RBFOX1: variants seen among roughly 807,000 people sequenced by gnomAD.
RBFOX1 encodes RNA binding protein fox-1 homolog 1.
A neutral mutation model predicts 57.7 loss-of-function variants in RBFOX1; 8 were observed. The observed-to-expected ratio is 0.14, with a 90% CI of 0.08 to 0.25. The LOEUF is 0.25. Ranked by LOEUF, RBFOX1 falls within the 10% of genes least tolerant of loss-of-function variation. RBFOX1 has a pLI of 1.00. For synonymous variants in RBFOX1, 326 were observed against 222.4 expected (o/e 1.47, Z -4.15); for missense variants, 611 against 548.5 (o/e 1.11, Z -1.14).
chr16:7,300,228 C>A (rs1297886516), intron 4 of RBFOX1, among the ~76,000 whole-genome samples: 1 of 152,064 alleles, frequency 6.6e-6, no homozygotes, highest in African/African-American at 2.4e-5. Context: ...CCTCCCCCAC[C>A]CACTAGAATG....
In RBFOX1 at chr16:6,079,490, T is replaced by A. The variant is rs144194661; in HGVS notation, c.-127+59498T>A. ...CCATGCCTGGCTATTTATTTTTATT[T>A]GTTTTTTACTTTTTGTAGAGATGAG... On this transcript the variant is annotated intron_variant, in intron 1 of 15. Transcript: ENST00000550418. 7.6e-3 allele frequency among the ~76,000 whole-genome samples: 1,153 copies of A among 152,268 alleles called. 8 individuals carry two copies. Among genetic ancestry groups the A allele is most frequent in the Non-Finnish European group, 0.011 (740 of 68,014 alleles).
intron 4 of RBFOX1, among the ~76,000 whole-genome samples, chr16:7,501,225 T>C (rs1255973662): frequency 6.6e-6 from 1 of 152,228 alleles, no homozygotes; most frequent in African/African-American, 2.4e-5. Context: ...TGACTACTTG[T>C]TTCCTCTGCT....
chr16:5,452,153 C>G (rs781195043), intron 1 of RBFOX1, among the ~76,000 whole-genome samples: 3 of 132,922 alleles, frequency 2.3e-5, no homozygotes, highest in Non-Finnish European at 4.6e-5. Flanking sequence ...GAGTCTTGCT[C>G]TGTCGCCTAG....
At chr16:7,210,428 G>T (rs987532560) in intron 4 of RBFOX1, among the ~76,000 whole-genome samples, 50 of 151,976 alleles carry the variant, frequency 3.3e-4, no homozygotes, top group African/African-American at 1.0e-3. Flanking sequence ...TTTTCCAATT[G>T]CACTACACTC....
At chr16:6,673,219 G>C (rs141376923) in intron 3 of RBFOX1, among the ~76,000 whole-genome samples, 2 of 152,174 alleles carry the variant, frequency 1.3e-5, no homozygotes, top group African/African-American at 4.8e-5. Context: ...CATCCCATCT[G>C]TGTCTTCTCT....
At chr16:6,327,003 C>G (rs767284048) in intron 2 of RBFOX1, among the ~76,000 whole-genome samples, 3 of 152,130 alleles carry the variant, frequency 2.0e-5, no homozygotes, top group South Asian at 2.1e-4. Context: ...TCTTTGTGCT[C>G]GTTTTAAACT....
chr16:5,540,772 C>T (rs1462254996), intron 2 of RBFOX1, among the ~76,000 whole-genome samples: 1 of 152,222 alleles, frequency 6.6e-6, no homozygotes, highest in Admixed American at 6.5e-5. Flanking sequence ...GCGTCAGAAT[C>T]ACCTGGAGCT....
chr16:7,415,327 C>T (rs2098468058), intron 4 of RBFOX1, among the ~76,000 whole-genome samples: 1 of 152,140 alleles, frequency 6.6e-6, no homozygotes, highest in Non-Finnish European at 1.5e-5. Context: ...TATCTTCTGC[C>T]TGTGGAACCA....
chr16:6,848,090 A>G (rs1446883895), intron 3 of RBFOX1, among the ~76,000 whole-genome samples: 1 of 151,918 alleles, frequency 6.6e-6, no homozygotes, highest in African/African-American at 2.4e-5. Flanking sequence ...CCTTGGCCTC[A>G]CAAAGTGCTG....
chr16:6,493,527 C>T (rs2095684583), intron 2 of RBFOX1, among the ~76,000 whole-genome samples: 2 of 152,124 alleles, frequency 1.3e-5, no homozygotes, highest in African/African-American at 2.4e-5. Context: ...TTTCATCTTC[C>T]TGTGCAAGCC....
chr16:6,037,537 A>AG (rs1291368226), intron 1 of RBFOX1: 2 of 151,942 alleles, frequency 1.3e-5, no homozygotes, highest in Non-Finnish European at 2.9e-5. Context: ...CAAAAAAAAA[A>AG]AAAACAGTCC....
intron 4 of RBFOX1, among the ~76,000 whole-genome samples, chr16:5,905,408 G>A (rs2058433584): frequency 6.6e-6 from 1 of 152,024 alleles, no homozygotes; most frequent in Admixed American, 6.6e-5. Flanking sequence ...ATAGAGGGAA[G>A]CCCATGTGAA....
At chr16:7,361,061 A>G (rs563426156) in intron 4 of RBFOX1, among the ~76,000 whole-genome samples, 1 of 152,212 alleles carries the variant, frequency 6.6e-6, no homozygotes, top group Non-Finnish European at 1.5e-5. Flanking sequence ...AGATGTTTGT[A>G]AACTCTGCCT....
At chr16:7,322,534 T>G (rs1293364150) in intron 4 of RBFOX1, among the ~76,000 whole-genome samples, 1 of 152,206 alleles carries the variant, frequency 6.6e-6, no homozygotes, top group East Asian at 1.9e-4. Context: ...TGATGGACAG[T>G]CAGAAGCTCC....
chr16:7,132,703 A>C (rs1278087028), intron 4 of RBFOX1, among the ~76,000 whole-genome samples: 1 of 152,180 alleles, frequency 6.6e-6, no homozygotes, highest in Non-Finnish European at 1.5e-5. Context: ...CCTTGAGGAA[A>C]TTATGCTAAG....
At chr16:5,662,835 T>C (rs909588872) in intron 3 of RBFOX1, among the ~76,000 whole-genome samples, 1 of 152,224 alleles carries the variant, frequency 6.6e-6, no homozygotes, top group African/African-American at 2.4e-5. Context: ...TGCTTCAGTT[T>C]CCTTATCTGC....
intron 3 of RBFOX1, among the ~76,000 whole-genome samples, chr16:6,943,037 G>C (rs560292124): frequency 6.6e-6 from 1 of 152,316 alleles, no homozygotes; most frequent in Non-Finnish European, 1.5e-5. Flanking sequence ...GGCAAGCGGG[G>C]AGAAAGCTCC....
intron 3 of RBFOX1, among the ~76,000 whole-genome samples, chr16:5,781,878 T>A (rs1567533913): frequency 6.6e-6 from 1 of 152,212 alleles, no homozygotes; most frequent in Non-Finnish European, 1.5e-5. Context: ...ATTGTGCTGC[T>A]ATAACGAAAT....
intron 1 of RBFOX1, among the ~76,000 whole-genome samples, chr16:5,288,415 A>G (rs972522799): frequency 1.3e-5 from 2 of 152,188 alleles, no homozygotes; most frequent in Admixed American, 6.5e-5. Flanking sequence ...TTCTAAATAA[A>G]TGCAGGAAAT....
Sources: allele counts gnomAD v4.1 joint callset (sites outside exome capture counted in the v4.1 genomes callset), GRCh38; gene constraint gnomAD v4.1.1; transcripts MANE v1.5; gene names NCBI Gene and HGNC (gene_info 2026-07-23, HGNC 2026-07-21).